The following TMEM182 variants were observed in gnomAD, a reference collection of about 807,000 sequenced individuals.
The protein encoded by TMEM182 is transmembrane protein 182.
TMEM182 carries 20 observed loss-of-function variants against 26.8 expected under a neutral mutation model. That is an observed-to-expected ratio of 0.75 (90% CI 0.53 to 1.09). The LOEUF (loss-of-function observed/expected upper bound fraction) is 1.09, where lower values mean the gene tolerates loss of function less well. TMEM182 is among the 50% of genes least tolerant of loss of function. The pLI is 0.00. For synonymous variants in TMEM182, 109 were observed against 102.2 expected, an observed-to-expected ratio of 1.07 and a Z score of -0.40; for missense variants, 277 against 275.5, an observed-to-expected ratio of 1.01 and a Z score of -0.04.
In TMEM182 at chr2:102,814,849, T is replaced by G. The variant is rs1014697581; in HGVS notation, c.571T>G (p.Phe191Val). The change falls in exon 5 of 5, where the codon TTC becomes GTC. Residue 191 changes from phenylalanine (F) to valine (V), a missense_variant. Coordinates refer to ENST00000412401, the MANE Select transcript of TMEM182 (RefSeq NM_144632.5). ...CATGAAAATGAAGGACTGCCTGGAT[T>G]TCACCCCTTCTGTTCTGTATGGCTG... ...RNMKMKDCLDFTPSVLYGWSF... is the reference protein window; with the variant it reads ...RNMKMKDCLDVTPSVLYGWSF... 4.3e-5 allele frequency: 70 copies of G among 1,613,834 alleles called. No individual in the cohort carries two copies. Among genetic ancestry groups the G allele is most frequent in the Non-Finnish European group, 5.2e-5 (61 of 1,179,972 alleles).
intron 1 of TMEM182, among the ~76,000 whole-genome samples, chr2:102,756,279 CTT>C (rs1250154564): frequency 6.6e-6 from 1 of 152,052 alleles, no homozygotes; most frequent in Non-Finnish European, 1.5e-5. Context: ...TTTTTAATTT[CTT>C]TGTCAGAAAT....
intron 1 of TMEM182, among the ~76,000 whole-genome samples, chr2:102,739,181 A>G (rs1047622966): frequency 2.0e-5 from 3 of 152,206 alleles, no homozygotes; most frequent in Non-Finnish European, 2.9e-5. Flanking sequence ...ACTTAAACTC[A>G]GAAGACAAGG....
intron 4 of TMEM182, among the ~76,000 whole-genome samples, chr2:102,800,516 C>G (rs1016022779): frequency 9.2e-5 from 14 of 151,960 alleles, no homozygotes; most frequent in Admixed American, 6.6e-5. Flanking sequence ...TCTTCTTGGC[C>G]AAAAAAATTT....
In TMEM182 at chr2:102,817,280, A is replaced by G. The variant is rs570211362; in HGVS notation, c.*2312A>G. The G allele has an allele frequency of 2.0e-6, 2 of 985,268 alleles. No homozygotes were observed. The highest frequency in any genetic ancestry group is 2.4e-6 in the Non-Finnish European group (2 of 829,878). The allele number at this position is 985,268 out of a possible 1,614,324, so 61.0% of individuals were successfully genotyped here. On this transcript the variant is annotated 3_prime_UTR_variant, in exon 5 of 5. Transcript: ENST00000412401. ...TATTTATTAATTTTTAGAAGCCTTT[A>G]AACTGTGTTAGAATCTTTTTGAAAA...
chr2:102,766,717 C>T (rs1049590796), intron 3 of TMEM182, among the ~76,000 whole-genome samples: 1 of 152,116 alleles, frequency 6.6e-6, no homozygotes, highest in Admixed American at 6.5e-5. Context: ...TTTCATGTAG[C>T]TTCACAATTA....
chr2:102,828,930 G>C (rs1378078836), intron 3 of TMEM182, among the ~76,000 whole-genome samples: 2 of 152,170 alleles, frequency 1.3e-5, no homozygotes, highest in Non-Finnish European at 2.9e-5. Flanking sequence ...AGCAAATAAG[G>C]GGTATGAAGA....
At chr2:102,746,051 C>T (rs368020886) in intron 1 of TMEM182, among the ~76,000 whole-genome samples, 8 of 152,220 alleles carry the variant, frequency 5.3e-5, no homozygotes, top group African/African-American at 1.9e-4. Context: ...TTTACACTCT[C>T]ACCAGCAGTG....
At chr2:102,827,644 C>T (rs1683060346) in intron 3 of TMEM182, among the ~76,000 whole-genome samples, 1 of 152,214 alleles carries the variant, frequency 6.6e-6, no homozygotes, top group Admixed American at 6.5e-5. Flanking sequence ...CCTGCCTAAG[C>T]AGCCTATGAC....
downstream of TMEM182, among the ~76,000 whole-genome samples, chr2:102,821,862 C>A (rs897034376): frequency 3.9e-5 from 6 of 151,900 alleles, no homozygotes; most frequent in Non-Finnish European, 5.9e-5. Flanking sequence ...GTGGCAGGTG[C>A]CTGTAGTCCC....
chr2:102,788,240 G>T (rs1270699811), intron 3 of TMEM182, among the ~76,000 whole-genome samples: 1 of 152,136 alleles, frequency 6.6e-6, no homozygotes, highest in African/African-American at 2.4e-5. Flanking sequence ...ACCCTTAGGG[G>T]TCCTCATTCA....
At position 102,815,934 on chromosome 2, in the gene TMEM182, T is replaced by C. The variant is rs969184305; in HGVS notation, c.*966T>C. On this transcript the variant is annotated 3_prime_UTR_variant, in exon 5 of 5. Transcript: ENST00000412401. The stretch of plus-strand genomic sequence containing the variant: ...TGCTTTATTAAAGACCATAAAATAT[T>C]AACTTTCCCCAAGATGTTATGGGTT... 17 of 979,832 alleles carry C rather than the reference T, an allele frequency of 1.7e-5. No individual in the cohort carries two copies. The highest frequency in any genetic ancestry group is 1.8e-5 in the Non-Finnish European group (15 of 824,970). The allele number at this position is 979,832 out of a possible 1,614,324, so 60.7% of individuals were successfully genotyped here.
intron 3 of TMEM182, among the ~76,000 whole-genome samples, chr2:102,831,582 C>T (rs1402677087): frequency 6.6e-6 from 1 of 152,014 alleles, no homozygotes; most frequent in Non-Finnish European, 1.5e-5. Flanking sequence ...CATGGTGAAA[C>T]CCAGTCTCTA....
Position 102,816,288 on chromosome 2 carries a change from C to G in TMEM182, c.*1320C>G, listed in dbSNP as rs1022927103. The G allele has an allele frequency of 1.1e-5, 11 of 985,098 alleles. No homozygotes were observed. In the South Asian group the frequency reaches 4.2e-4, roughly 38 times the overall value. The allele number at this position is 985,098 out of a possible 1,614,324, so 61.0% of individuals were successfully genotyped here. A position where few individuals can be genotyped will look rare whatever the true frequency, so the allele number is the denominator to read the frequency against. On this transcript the variant is annotated 3_prime_UTR_variant, in exon 5 of 5. Transcript: ENST00000412401. ...TTTCATTCTGCAGCTGTTGTGAGGACAGAGAGGCATGGCCCACAGGCAAAA... is the reference window on the plus strand; with the variant it reads ...TTTCATTCTGCAGCTGTTGTGAGGAGAGAGAGGCATGGCCCACAGGCAAAA...
chr2:102,781,519 T>C (rs914856343), intron 3 of TMEM182, among the ~76,000 whole-genome samples: 1 of 152,100 alleles, frequency 6.6e-6, no homozygotes, highest in Non-Finnish European at 1.5e-5. Flanking sequence ...GACTAAACCA[T>C]GTGAGAATGA....
At position 102,815,621 on chromosome 2, in the gene TMEM182, A is replaced by G. The variant is rs1396803063; in HGVS notation, c.*653A>G. The G allele has an allele frequency of 2.0e-6, 2 of 985,342 alleles. No individual in the cohort carries two copies. The highest frequency in any genetic ancestry group is 3.5e-5 in the African/African-American group (2 of 57,238). 61.0% of individuals were successfully genotyped at this position (985,342 alleles called of 1,614,324 possible). A position where few individuals can be genotyped will look rare whatever the true frequency, so the allele number is the denominator to read the frequency against. Reference sequence around the variant, plus strand: ...CACTTAATTGTGCATGCTTACATAAACTTTAAACTACATTTAAAACTAGCA... The same window carrying G: ...CACTTAATTGTGCATGCTTACATAAGCTTTAAACTACATTTAAAACTAGCA... On this transcript the variant is annotated 3_prime_UTR_variant, in exon 5 of 5. Transcript: ENST00000412401.
intron 3 of TMEM182, among the ~76,000 whole-genome samples, chr2:102,789,876 T>C (rs1681560903): frequency 6.6e-6 from 1 of 152,112 alleles, no homozygotes; most frequent in Non-Finnish European, 1.5e-5. Context: ...AGCAGCTTCT[T>C]ACCCCACATT....
intron 3 of TMEM182, among the ~76,000 whole-genome samples, chr2:102,777,711 G>A (rs1680979287): frequency 6.6e-6 from 1 of 151,358 alleles, no homozygotes; most frequent in Non-Finnish European, 1.5e-5. Flanking sequence ...TTTGCAAATA[G>A]GGACAATTTT....
At chr2:102,756,294 G>C (rs188481866) in intron 1 of TMEM182, among the ~76,000 whole-genome samples, 1 of 152,308 alleles carries the variant, frequency 6.6e-6, no homozygotes, top group African/African-American at 2.4e-5. Flanking sequence ...TCAGAAATGT[G>C]ATCTCCACCT....
At chr2:102,835,769 A>T (rs1404241507) in intron 3 of TMEM182, among the ~76,000 whole-genome samples, 1 of 152,058 alleles carries the variant, frequency 6.6e-6, no homozygotes, top group Non-Finnish European at 1.5e-5. Context: ...ACATATGTAT[A>T]CATGTGCCAT....
Sources: allele counts gnomAD v4.1 joint callset (sites outside exome capture counted in the v4.1 genomes callset), GRCh38; gene constraint gnomAD v4.1.1; transcripts MANE v1.5; gene names NCBI Gene and HGNC (gene_info 2026-07-23, HGNC 2026-07-21).